RGL3: variants seen among roughly 807,000 people sequenced by gnomAD.
The protein encoded by RGL3 is ral guanine nucleotide dissociation stimulator-like 3.
A neutral mutation model predicts 90.6 loss-of-function variants in RGL3; 85 were observed. The ratio of observed to expected loss-of-function variants is 0.94; its 90% confidence interval spans 0.79 to 1.12. The LOEUF (loss-of-function observed/expected upper bound fraction) is 1.12. Among genes scored for constraint, RGL3 ranks in the 50% most tolerant of loss-of-function variants. The probability of loss-of-function intolerance (pLI) is 0.00; values close to 1 mark genes in which losing one functional copy is unlikely to be tolerated. For synonymous variants in RGL3, 408 were observed against 385.5 expected (o/e 1.06, Z -0.68); for missense variants, 1,034 against 939.2 (o/e 1.10, Z -1.32).
Position 11,416,964 on chromosome 19 carries a change from C to T in RGL3, c.243G>A (p.Leu81=), listed in dbSNP as rs375514858. 3.6e-5 allele frequency: 58 copies of T among 1,613,904 alleles called. 1 individual carries two copies. In the South Asian group the frequency reaches 4.9e-4, roughly 14 times the overall value. Residue 81 remains leucine (L), a synonymous_variant, in exon 3 of 19, where the codon TTG becomes TTA. Transcript: ENST00000380456. ...GGTCCTGCTCACGGTCTCCAAACAC[C>T]AACTCTCCCACCAGCCGCTCCAGGC... is the stretch of plus-strand genomic sequence containing the variant. ...AARLERLVGE[L]VFGDREQDPS...
intron 2 of RGL3, among the ~76,000 whole-genome samples, chr19:11,417,502 ACT>A (rs1480320787): frequency 6.0e-5 from 7 of 117,172 alleles, no homozygotes; most frequent in African/African-American, 1.0e-4. Flanking sequence ...ACAGAATCTC[ACT>A]CTGTCACCTA....
At chr19:11,416,539 A>G in intron 4 of RGL3, 75 bp downstream of exon 4, 6 of 1,445,992 alleles carry the variant, frequency 4.1e-6, no homozygotes, top group Non-Finnish European at 5.8e-6. Flanking sequence ...AATTTTCAAA[A>G]CCCCAGTCCG....
intron 4 of RGL3, 119 bp from the exon 5 acceptor site, chr19:11,416,267 G>A (rs1381465143): frequency 1.3e-6 from 1 of 795,410 alleles, no homozygotes; most frequent in Non-Finnish European, 1.9e-6. Flanking sequence ...CACCAAGGCT[G>A]CAGTGCAATG....
At chr19:11,397,094 A>T in intron 18 of RGL3, 150 bp downstream of exon 18, 1 of 632,002 alleles carries the variant, frequency 1.6e-6, no homozygotes, top group Non-Finnish European at 2.8e-6. Context: ...ATGTCCTCTT[A>T]CCTCCACTGA....
At chr19:11,401,816 G>A (rs1009315060) in intron 13 of RGL3, among the ~76,000 whole-genome samples, 195 bp downstream of exon 13, 1 of 152,136 alleles carries the variant, frequency 6.6e-6, no homozygotes, top group African/African-American at 2.4e-5. Flanking sequence ...CAAGTGCTGG[G>A]ATTACACGAG....
chr19:11,400,856 AAAATAAATAAATAAAT>A (rs36155093), intron 13 of RGL3, among the ~76,000 whole-genome samples: 13,868 of 145,556 alleles, frequency 0.095, 830 homozygotes, highest in East Asian at 0.24. Flanking sequence ...CTCTGTCTCA[AAAATAAATAAATAAAT>A]AAATAAATAA....
At chr19:11,405,494 CTTTTTTTTTTTTTTTTTTTTT>C (rs771398199) in intron 7 of RGL3, 68 bp from the exon 8 acceptor site, 2,065 of 163,106 alleles carry the variant, frequency 0.013, 2 homozygotes, top group South Asian at 0.026. Flanking sequence ...ACTTCTTCAT[CTTTTTTTTTTTTTTTTTTTTT>C]TTTTTTTTTT....
At chr19:11,400,400 GAGC>G in intron 13 of RGL3, 103 bp from the exon 14 acceptor site, 1 of 944,318 alleles carries the variant, frequency 1.1e-6, no homozygotes, top group Non-Finnish European at 1.5e-6. Context: ...GTGTAAGGGG[GAGC>G]AGCCAGAGGT....
At chr19:11,398,673 T>A (rs528202762) in intron 16 of RGL3, among the ~76,000 whole-genome samples, 1 of 150,982 alleles carries the variant, frequency 6.6e-6, no homozygotes, top group East Asian at 1.9e-4. Context: ...CTTTTCTTTT[T>A]TTGTTTTTCT....
intron 7 of RGL3, 61 bp downstream of exon 7, chr19:11,406,358 T>C: frequency 1.4e-6 from 2 of 1,464,150 alleles, no homozygotes; most frequent in Non-Finnish European, 1.8e-6. Context: ...TCCGGAGCCC[T>C]CATTTTTTCC....
At position 11,416,639 on chromosome 19, in the gene RGL3, C is replaced by T; in HGVS notation, c.400G>A (p.Asp134Asn). Residue 134 changes from aspartate to asparagine, a missense_variant, in exon 4 of 19, where the codon GAT becomes AAT. By Grantham distance (23) the Asp-to-Asn change is conservative (BLOSUM62 1). Transcript: ENST00000380456. ...CTCAGGTTCTTGTTGAAGCTCAGAT[C>T]TTGTACCGCTGTCTTCTTGATCTCT... ...GVEIKKTAVQDLSFNKNLRAV... is the reference protein window; with the variant it reads ...GVEIKKTAVQNLSFNKNLRAV... 6.2e-7 allele frequency: 1 copy of T among 1,614,176 alleles called. No homozygotes were observed. The highest frequency in any genetic ancestry group is 8.5e-7 in the Non-Finnish European group (1 of 1,180,034).
At chr19:11,408,612 A>T (rs577876805) in intron 5 of RGL3, among the ~76,000 whole-genome samples, 2 of 151,876 alleles carry the variant, frequency 1.3e-5, no homozygotes, top group South Asian at 2.1e-4. Context: ...TCATGCTACC[A>T]GACTGCTATA....
chr19:11,414,166 T>TATATATATAC (rs1968924428), intron 5 of RGL3, among the ~76,000 whole-genome samples: 3 of 112,524 alleles, frequency 2.7e-5, no homozygotes, highest in African/African-American at 1.2e-4. Context: ...TATATATATA[T>TATATATATAC]ATATATATAT....
At chr19:11,417,897 T>C (rs1303284594) in intron 2 of RGL3, among the ~76,000 whole-genome samples, 2 of 152,120 alleles carry the variant, frequency 1.3e-5, no homozygotes, top group Non-Finnish European at 2.9e-5. Flanking sequence ...CAATCATAGC[T>C]CACTGCAGCC....
chr19:11,416,354 C>CT (rs1323512591), intron 4 of RGL3: 1 of 618,002 alleles, frequency 1.6e-6, no homozygotes, highest in Non-Finnish European at 2.8e-6. Context: ...ACCCAGCTAC[C>CT]TTTTTTTGTT....
chr19:11,409,273 G>C (rs1054444878), intron 5 of RGL3, among the ~76,000 whole-genome samples: 25 of 152,098 alleles, frequency 1.6e-4, no homozygotes, highest in Non-Finnish European at 8.8e-5. Flanking sequence ...GAGGTCAGGA[G>C]ATCGAGACCA....
At chr19:11,418,958 C>A (rs984745142) in intron 1 of RGL3, 174 bp from the exon 2 acceptor site, 2 of 625,562 alleles carry the variant, frequency 3.2e-6, no homozygotes, top group African/African-American at 1.9e-5. Flanking sequence ...CGCTGCGGGT[C>A]CCCTCCTCCC....
rs1398947718 is a variant in RGL3 at position 11,416,610 on chromosome 19, C to T, written c.425+4G>A. The T allele has an allele frequency of 1.2e-6, 2 of 1,613,888 alleles. No homozygotes were observed. The highest frequency in any genetic ancestry group is 2.2e-5 in the South Asian group (2 of 91,078). ...GCACTCCCCTATCTGGATGAAGGAC[C>T]CACCTCAGGTTCTTGTTGAAGCTCA... is the stretch of plus-strand genomic sequence containing the variant. On this transcript the variant is annotated splice_donor_region_variant and intron_variant, in intron 4 of 18. Transcript: ENST00000380456.
At chr19:11,401,395 ATT>A (rs539872627) in intron 13 of RGL3, among the ~76,000 whole-genome samples, 21 of 136,074 alleles carry the variant, frequency 1.5e-4, no homozygotes, top group African/African-American at 1.6e-4. Flanking sequence ...CATTCAGCTA[ATT>A]TTTTTTTTTT....
Sources: allele counts gnomAD v4.1 joint callset (sites outside exome capture counted in the v4.1 genomes callset), GRCh38; gene constraint gnomAD v4.1.1; transcripts MANE v1.5; gene names NCBI Gene and HGNC (gene_info 2026-07-23, HGNC 2026-07-21).